Variants in NEBL observed in about 807,000 individuals in gnomAD.
NEBL encodes the protein LIM and SH3 protein 2.
Under a neutral mutation model 140.2 loss-of-function variants are expected in NEBL, and 122 were observed. That is an observed-to-expected ratio of 0.87 (90% CI 0.75 to 1.01). The LOEUF is 1.01. Among genes scored for constraint, NEBL ranks in the 50% least tolerant of loss-of-function variants. NEBL has a pLI of 0.00. For synonymous variants in NEBL, 436 were observed against 398.9 expected, an observed-to-expected ratio of 1.09 and a Z score of -1.11; for missense variants, 1,365 against 1,231.3, an observed-to-expected ratio of 1.11 and a Z score of -1.62.
intron 18 of NEBL, among the ~76,000 whole-genome samples, chr10:20,823,660 T>C (rs1376807655): frequency 1.3e-5 from 2 of 152,194 alleles, no homozygotes; most frequent in African/African-American, 2.4e-5. Context: ...ATTAATATGG[T>C]AATTAAAATT....
intron 3 of NEBL, among the ~76,000 whole-genome samples, chr10:20,973,247 C>T (rs1045559093): frequency 1.6e-4 from 22 of 139,396 alleles, no homozygotes; most frequent in African/African-American, 4.9e-4. Flanking sequence ...TTACCTTTTT[C>T]TTTTTTTTTT....
At chr10:21,245,849 C>T (rs764484694) in intron 3 of NEBL, among the ~76,000 whole-genome samples, 9 of 152,234 alleles carry the variant, frequency 5.9e-5, no homozygotes, top group Non-Finnish European at 1.2e-4. Context: ...GTGCCCACCA[C>T]TACGCCTGGC....
intron 3 of NEBL, 148 bp downstream of exon 3, chr10:20,889,697 G>A (rs905942430): frequency 1.3e-4 from 82 of 654,618 alleles, no homozygotes; most frequent in Non-Finnish European, 2.0e-4. Flanking sequence ...AAATGACAGC[G>A]CATCACATTA....
chr10:20,886,312 CA>C (rs1202895815), intron 4 of NEBL, among the ~76,000 whole-genome samples: 1 of 151,942 alleles, frequency 6.6e-6, no homozygotes, highest in Non-Finnish European at 1.5e-5. Flanking sequence ...CGCCTGAGGT[CA>C]GGAGTTCAAG....
chr10:21,057,262 G>A (rs1351785422), intron 2 of NEBL, among the ~76,000 whole-genome samples: 1 of 151,956 alleles, frequency 6.6e-6, no homozygotes. Context: ...CCCGGGAAGG[G>A]TTGCTCTTTG....
chr10:20,922,180 G>A (rs1055696114), intron 4 of NEBL, among the ~76,000 whole-genome samples: 1 of 152,102 alleles, frequency 6.6e-6, no homozygotes, highest in Non-Finnish European at 1.5e-5. Flanking sequence ...ACCTGGAATG[G>A]CAACTCTGCT....
In NEBL at chr10:20,839,333, A is replaced by G. The variant is rs558744322; in HGVS notation, c.1338+1406T>C. 2.1e-4 allele frequency among the ~76,000 whole-genome samples: 32 copies of G among 152,314 alleles called. No individual in the cohort carries two copies. The South Asian group carries it at 4.8e-3, about 23-fold the overall frequency. On this transcript the variant is annotated intron_variant, in intron 13 of 27. Transcript: ENST00000377122. ...TTGGACATGTCACGGCAACAGAAGA[A>G]TTTGCAGAAAATGACTAATGTAGGG...
At chr10:21,009,868 T>C (rs369202483) in intron 3 of NEBL, among the ~76,000 whole-genome samples, 8 of 152,308 alleles carry the variant, frequency 5.3e-5, no homozygotes, top group African/African-American at 1.7e-4. Context: ...CTGCTTAAAA[T>C]ATATAATTTT....
chr10:21,172,150 C>T, intron 2 of NEBL: 1 of 553,016 alleles, frequency 1.8e-6, no homozygotes, highest in Admixed American at 3.1e-5. Context: ...CACTGCGAAC[C>T]TCAAAAACTA....
chr10:20,907,273 T>C (rs1313230757), intron 4 of NEBL, among the ~76,000 whole-genome samples: 1 of 152,182 alleles, frequency 6.6e-6, no homozygotes, highest in Non-Finnish European at 1.5e-5. Context: ...AAATGTATTT[T>C]ATTAAGGGTT....
intron 20 of NEBL, chr10:20,818,696 G>T: frequency 1.4e-6 from 1 of 698,888 alleles, no homozygotes; most frequent in Non-Finnish European, 1.8e-6. Flanking sequence ...ATAGAAAGTG[G>T]GTCTTACCCA....
intron 2 of NEBL, among the ~76,000 whole-genome samples, chr10:20,892,073 C>T (rs1847080857): frequency 6.6e-6 from 1 of 152,192 alleles, no homozygotes; most frequent in Non-Finnish European, 1.5e-5. Context: ...CGGGTTGACA[C>T]CATCTATTGG....
intron 2 of NEBL, among the ~76,000 whole-genome samples, chr10:21,151,383 T>C (rs1306509541): frequency 6.6e-6 from 1 of 152,196 alleles, no homozygotes; most frequent in Non-Finnish European, 1.5e-5. Flanking sequence ...AATGACAAAA[T>C]GCACTCTTGT....
chr10:21,213,391 G>GGCGGAGGAAAACCGGAGAGGA (rs1001224184), intron 3 of NEBL, among the ~76,000 whole-genome samples: 5 of 152,168 alleles, frequency 3.3e-5, no homozygotes, highest in Admixed American at 2.6e-4. Context: ...GTTGAGTGCA[G>GGCGGAGGAAAACCGGAGAGGA]GCGGAGGAAA....
At chr10:21,023,459 C>T (rs997928686) in intron 2 of NEBL, among the ~76,000 whole-genome samples, 4 of 151,976 alleles carry the variant, frequency 2.6e-5, no homozygotes, top group South Asian at 2.1e-4. Flanking sequence ...TTTGGGAGGA[C>T]GAGGCAGGTG....
intron 3 of NEBL, among the ~76,000 whole-genome samples, chr10:21,011,354 G>C (rs1190283303): frequency 2.0e-5 from 3 of 152,208 alleles, no homozygotes; most frequent in Admixed American, 2.0e-4. Flanking sequence ...ATGTGTTAGA[G>C]CTGCCCTGTG....
Position 20,815,734 on chromosome 10 carries a change from C to A in NEBL, c.2149-17G>T, listed in dbSNP as rs750555294. 19 of 1,488,524 alleles carry A rather than the reference C, an allele frequency of 1.3e-5. No homozygotes were observed. The African/African-American group carries it at 1.8e-4, about 14-fold the overall frequency. The allele number at this position is 1,488,524 out of a possible 1,614,324, so 92.2% of individuals were successfully genotyped here. On this transcript the variant is annotated splice_polypyrimidine_tract_variant and intron_variant, in intron 21 of 27. Transcript: ENST00000377122. ...GTAATAAACCTATCATTTCAGAGAA[C>A]AAAAAATAGAATACTATGAATCAAT... is the stretch of plus-strand genomic sequence containing the variant.
intron 3 of NEBL, among the ~76,000 whole-genome samples, chr10:21,213,106 A>G (rs1424788834): frequency 1.3e-5 from 2 of 152,048 alleles, no homozygotes; most frequent in African/African-American, 4.8e-5. Flanking sequence ...TCTCACAATA[A>G]CCCAAGCCCT....
At chr10:21,202,903 C>A (rs1029092872) in intron 3 of NEBL, among the ~76,000 whole-genome samples, 2 of 152,112 alleles carry the variant, frequency 1.3e-5, no homozygotes, top group Non-Finnish European at 2.9e-5. Context: ...AGAATGTAAA[C>A]CTGGAGCAGT....
Sources: allele counts gnomAD v4.1 joint callset (sites outside exome capture counted in the v4.1 genomes callset), GRCh38; gene constraint gnomAD v4.1.1; transcripts MANE v1.5; gene names NCBI Gene and HGNC (gene_info 2026-07-23, HGNC 2026-07-21).